The following RIPK2 variants were observed in gnomAD, a reference collection of about 807,000 sequenced individuals.
The protein encoded by RIPK2 is receptor interacting serine/threonine kinase 2, also known as receptor-interacting serine/threonine-protein kinase 2.
A neutral mutation model predicts 60.9 loss-of-function variants in RIPK2; 38 were observed. That is an observed-to-expected ratio of 0.62 (90% CI 0.48 to 0.82). RIPK2 has a LOEUF of 0.82. RIPK2 is among the 40% of genes least tolerant of loss of function. The pLI is 0.00. For missense variants in RIPK2, 518 were observed against 647.0 expected (o/e 0.80, Z 2.16); for synonymous variants, 225 against 223.4 (o/e 1.01, Z -0.06).
At position 89,758,223 on chromosome 8, in the gene RIPK2, C is replaced by G. The variant is rs1809083290; in HGVS notation, c.163C>G (p.Leu55Val). The change falls in exon 1 of 11, where the codon CTG (leucine) becomes GTG (valine). Residue 55 changes from leucine to valine, a missense_variant. Leu to Val is a conservative substitution (Grantham distance 32). Around this residue, in one of 3 missense-constraint regions of RIPK2, gnomAD observed 448 missense variants for 534.7 expected, o/e 0.84. Transcript: ENST00000220751. ...AVKHLHIHTP[L>V]LDSERKDVLR... Reference sequence around the variant, plus strand: ...GAAGCACCTGCACATCCACACTCCGCTGCTCGACAGGTAGGCAGTCACTGG... The same window carrying G: ...GAAGCACCTGCACATCCACACTCCGGTGCTCGACAGGTAGGCAGTCACTGG... 2 of 1,606,182 alleles carry G rather than the reference C, an allele frequency of 1.2e-6. No individual in the cohort carries two copies. The highest frequency in any genetic ancestry group is 1.7e-6 in the Non-Finnish European group (2 of 1,177,248).
At chr8:89,768,942 G>A (rs1439135199) in intron 3 of RIPK2, among the ~76,000 whole-genome samples, 1 of 151,718 alleles carries the variant, frequency 6.6e-6, no homozygotes, top group East Asian at 1.9e-4. Flanking sequence ...AATATTTTAA[G>A]TAATTTCAGT....
chr8:89,784,154 A>G lies in RIPK2; in HGVS notation c.1029+15A>G. ...GTCCACAAGAGGTAAAAAAAAAAAA[A>G]AAAAAAAAAAGGTTATATTAAACTC... On this transcript the variant is annotated intron_variant, in intron 8 of 10. Transcript: ENST00000220751. 6.9e-7 allele frequency: 1 copy of G among 1,444,886 alleles called. No individual in the cohort carries two copies. Among genetic ancestry groups the G allele is most frequent in the Non-Finnish European group, 9.4e-7 (1 of 1,060,838 alleles). 89.5% of individuals were successfully genotyped at this position (1,444,886 alleles called of 1,614,324 possible). A position where few individuals can be genotyped will look rare whatever the true frequency, so the allele number is the denominator to read the frequency against.
chr8:89,785,404 A>G (rs1809569757), intron 8 of RIPK2, among the ~76,000 whole-genome samples: 1 of 152,122 alleles, frequency 6.6e-6, no homozygotes, highest in Non-Finnish European at 1.5e-5. Context: ...GAACAAGCCA[A>G]GATCGCACCA....
intron 7 of RIPK2, among the ~76,000 whole-genome samples, chr8:89,781,111 A>G (rs1199016817): frequency 6.6e-6 from 1 of 151,922 alleles, no homozygotes; most frequent in Non-Finnish European, 1.5e-5. Context: ...CAGTTAGCCA[A>G]ACTCTTGGGG....
intron 3 of RIPK2, 62 bp from the exon 4 acceptor site, chr8:89,769,706 AAGAT>A: frequency 3.5e-6 from 4 of 1,139,846 alleles, no homozygotes; most frequent in Admixed American, 5.2e-5. Context: ...AATATACAAA[AAGAT>A]AGTTGACTTT....
At chr8:89,763,633 G>C (rs1809180523) in intron 2 of RIPK2, among the ~76,000 whole-genome samples, 1 of 152,016 alleles carries the variant, frequency 6.6e-6, no homozygotes, top group Non-Finnish European at 1.5e-5. Context: ...TTGAGGGTTG[G>C]CTTAATTAAA....
Position 89,757,847 on chromosome 8 carries a change from T to C in RIPK2, c.-214T>C, listed in dbSNP as rs1057456573. 5 of 1,310,448 alleles carry C rather than the reference T, an allele frequency of 3.8e-6. No homozygotes were observed. The highest frequency in any genetic ancestry group is 4.9e-6 in the Non-Finnish European group (5 of 1,029,596). The allele number at this position is 1,310,448 out of a possible 1,614,324, so 81.2% of individuals were successfully genotyped here. A position where few individuals can be genotyped will look rare whatever the true frequency, so the allele number is the denominator to read the frequency against. ...CGGCGCTACGGCGTTGGCACCAGTC[T>C]CTAGAAAAGAAGTCAGCTCTGGTTC... is the stretch of plus-strand genomic sequence containing the variant. On this transcript the variant is annotated 5_prime_UTR_variant, in exon 1 of 11. Coordinates refer to ENST00000220751, the MANE Select transcript of RIPK2 (RefSeq NM_003821.6).
intron 1 of RIPK2, among the ~76,000 whole-genome samples, chr8:89,759,852 T>G (rs1809116451): frequency 6.6e-6 from 1 of 152,254 alleles, no homozygotes; most frequent in African/African-American, 2.4e-5. Context: ...CTTTGGGTGC[T>G]GCTTCTCAGG....
chr8:89,758,969 C>G (rs1809100014), intron 1 of RIPK2, among the ~76,000 whole-genome samples: 1 of 152,154 alleles, frequency 6.6e-6, no homozygotes, highest in South Asian at 2.1e-4. Context: ...GCTTTAGAAT[C>G]AAGGATGTTT....
rs749632629 is a variant in RIPK2 at position 89,790,365 on chromosome 8, T to G, written c.1572T>G (p.Leu524=). 8.1e-6 allele frequency: 13 copies of G among 1,611,488 alleles called. No individual in the cohort carries two copies. In the Admixed American group the frequency reaches 2.2e-4, roughly 27 times the overall value. ...GTCTTCAGCCTTACCCGGAAATACT[T>G]GTGGTTTCTAGATCACCATCTTTAA... ...QMGLQPYPEI[L]VVSRSPSLNL... Residue 524 remains leucine, a synonymous_variant, in exon 11 of 11, where the codon CTT becomes CTG. Coordinates refer to ENST00000220751, the MANE Select transcript of RIPK2 (RefSeq NM_003821.6).
At chr8:89,761,149 GT>G (rs1013688756) in intron 1 of RIPK2, among the ~76,000 whole-genome samples, 1 of 151,978 alleles carries the variant, frequency 6.6e-6, no homozygotes, top group Non-Finnish European at 1.5e-5. Context: ...CTTTTGCTTT[GT>G]TTTTTTGTTT....
intron 1 of RIPK2, 28 bp downstream of exon 1, chr8:89,758,261 G>C (rs1373327467): frequency 1.3e-6 from 2 of 1,571,640 alleles, no homozygotes; most frequent in Non-Finnish European, 1.7e-6. Context: ...TTCCCTGGAA[G>C]AGCCCTCAAC....
At chr8:89,780,388 A>G (rs925767093) in intron 7 of RIPK2, 9 of 274,146 alleles carry the variant, frequency 3.3e-5, no homozygotes, top group Admixed American at 2.9e-4. Flanking sequence ...AGACATTTCC[A>G]GGACCAGGCG....
chr8:89,773,633 G>T (rs1414867504), intron 6 of RIPK2, among the ~76,000 whole-genome samples: 16 of 152,164 alleles, frequency 1.1e-4, no homozygotes, highest in Non-Finnish European at 2.4e-4. Context: ...TGTGTGGAAA[G>T]TTGATTGGAG....
intron 2 of RIPK2, among the ~76,000 whole-genome samples, chr8:89,764,893 A>T (rs1319568577): frequency 6.6e-6 from 1 of 152,120 alleles, no homozygotes; most frequent in Admixed American, 6.6e-5. Flanking sequence ...AAATTAAAAT[A>T]CAAATTTTGA....
At chr8:89,778,201 A>G (rs973981745) in intron 6 of RIPK2, among the ~76,000 whole-genome samples, 57 of 152,166 alleles carry the variant, frequency 3.7e-4, no homozygotes, top group Non-Finnish European at 6.6e-4. Flanking sequence ...GTAACTAGAG[A>G]GTATATATTC....
chr8:89,760,306 C>T (rs548574850), intron 1 of RIPK2, among the ~76,000 whole-genome samples: 1 of 152,246 alleles, frequency 6.6e-6, no homozygotes, highest in South Asian at 2.1e-4. Flanking sequence ...GACTTCTATC[C>T]GATGAGTGGA....
At chr8:89,765,569 G>A (rs1373006444) in intron 3 of RIPK2, 73 bp downstream of exon 3, 6 of 961,670 alleles carry the variant, frequency 6.2e-6, no homozygotes, top group South Asian at 1.7e-5. Flanking sequence ...TTATTTCTTC[G>A]ACCTAGCCAA....
chr8:89,767,133 C>T (rs758906415), intron 3 of RIPK2, among the ~76,000 whole-genome samples: 3 of 151,692 alleles, frequency 2.0e-5, no homozygotes, highest in Non-Finnish European at 4.4e-5. Flanking sequence ...TTTTATGTTA[C>T]ATATGTAATC....
Sources: gnomAD v4.1 joint callset for allele counts (sites outside exome capture counted in the v4.1 genomes callset) on GRCh38, gnomAD v4.1.1 for gene constraint, gnomAD v4.1.1 regional missense constraint, MANE v1.5 for transcripts, NCBI Gene and HGNC (gene_info 2026-07-23, HGNC 2026-07-21) for gene names.